Variants in ANO2 observed in about 807,000 individuals in gnomAD.
ANO2 encodes the protein anoctamin 2, also known as anoctamin-2.
In ANO2, 101 loss-of-function variants were observed where a neutral mutation model predicts 124.2. The observed-to-expected ratio is 0.81, with a 90% CI of 0.69 to 0.96. The LOEUF (loss-of-function observed/expected upper bound fraction) is 0.96. Ranked by LOEUF, ANO2 falls within the 40% of genes least tolerant of loss-of-function variation. The probability of loss-of-function intolerance (pLI) is 0.00; values close to 1 mark genes in which losing one functional copy is unlikely to be tolerated. For synonymous variants in ANO2, 486 were observed against 482.5 expected (o/e 1.01, Z -0.09); for missense variants, 1,293 against 1,274.5 (o/e 1.01, Z -0.22).
intron 16 of ANO2, among the ~76,000 whole-genome samples, chr12:5,629,103 T>G (rs1945565198): frequency 6.6e-6 from 1 of 152,166 alleles, no homozygotes; most frequent in African/African-American, 2.4e-5. Context: ...TAATACTCTT[T>G]TTTCAAGCAA....
intron 1 of ANO2, among the ~76,000 whole-genome samples, chr12:5,943,642 G>A (rs544914276): frequency 9.2e-5 from 14 of 152,126 alleles, no homozygotes; most frequent in South Asian, 4.1e-4. Context: ...GCAAAACCCC[G>A]TACCCTAAAA....
chr12:5,921,342 T>G lies in ANO2; in HGVS notation c.232A>C (p.Asn78His). The G allele has an allele frequency of 6.2e-7, 1 of 1,613,860 alleles. No homozygotes were observed. Among genetic ancestry groups the G allele is most frequent in the Non-Finnish European group, 8.5e-7 (1 of 1,179,820 alleles). The change falls in exon 3 of 25, where the codon AAT becomes CAT. Residue 78 changes from asparagine (N) to histidine (H), a missense_variant. Coordinates refer to ENST00000682330, the MANE Select transcript of ANO2 (RefSeq NM_001364791.2). ...SSVINNYLDA[N>H]EPVSLEARLS... Reference sequence around the variant, plus strand: ...CGGGCCTCCAAGGACACAGGCTCATTGGCATCCAGATAGTTGTTGATGACC... The same window carrying G: ...CGGGCCTCCAAGGACACAGGCTCATGGGCATCCAGATAGTTGTTGATGACC...
chr12:5,911,628 C>T (rs990902210), intron 3 of ANO2, among the ~76,000 whole-genome samples: 2 of 152,202 alleles, frequency 1.3e-5, no homozygotes, highest in African/African-American at 4.8e-5. Flanking sequence ...ACACCAAGTA[C>T]AGTCGTACCA....
chr12:5,569,050 G>A (rs1266930751), intron 23 of ANO2, among the ~76,000 whole-genome samples: 1 of 152,246 alleles, frequency 6.6e-6, no homozygotes, highest in Non-Finnish European at 1.5e-5. Flanking sequence ...AGAGCATGTA[G>A]ATCACGGCTT....
intron 14 of ANO2, among the ~76,000 whole-genome samples, chr12:5,678,671 A>G (rs1339802731): frequency 6.6e-6 from 1 of 152,214 alleles, no homozygotes; most frequent in Non-Finnish European, 1.5e-5. Flanking sequence ...AAGAGTATTG[A>G]TTAATGAAAT....
At chr12:5,843,102 G>C (rs1490990506) in intron 4 of ANO2, among the ~76,000 whole-genome samples, 4 of 152,070 alleles carry the variant, frequency 2.6e-5, no homozygotes, top group Non-Finnish European at 5.9e-5. Flanking sequence ...CCCACCTATA[G>C]CCAACCAACC....
chr12:5,659,867 G>A (rs910212766), intron 14 of ANO2, among the ~76,000 whole-genome samples: 17 of 152,140 alleles, frequency 1.1e-4, no homozygotes, highest in Admixed American at 6.5e-5. Flanking sequence ...GCCTGGATTG[G>A]GATTGGAGAC....
At chr12:5,817,802 GA>G (rs1953658352) in intron 7 of ANO2, among the ~76,000 whole-genome samples, 1 of 152,148 alleles carries the variant, frequency 6.6e-6, no homozygotes, top group Non-Finnish European at 1.5e-5. Flanking sequence ...ATTGGTGAGA[GA>G]AACAGGAGCA....
intron 19 of ANO2, among the ~76,000 whole-genome samples, chr12:5,609,723 T>C (rs939986480): frequency 6.6e-6 from 1 of 151,854 alleles, no homozygotes; most frequent in Non-Finnish European, 1.5e-5. Flanking sequence ...TTCTGGGCTT[T>C]TGCCCTTACC....
At position 5,636,275 on chromosome 12, in the gene ANO2, G is replaced by C. The variant is rs10849305; in HGVS notation, c.1621-928C>G. Among the ~76,000 whole-genome samples the C allele has an allele frequency of 0.43, 64,707 of 151,776 alleles. 15,685 individuals carry two copies. The highest frequency in any genetic ancestry group is 0.53 in the Non-Finnish European group (35,831 of 67,942). ...CCCCACGTCCCCTCCTGTCCCCATCGCAACCAAGGAAGGATCATTTCCAGG... is the reference window on the plus strand; with the variant it reads ...CCCCACGTCCCCTCCTGTCCCCATCCCAACCAAGGAAGGATCATTTCCAGG... On this transcript the variant is annotated intron_variant, in intron 15 of 24. Coordinates refer to ENST00000682330, the MANE Select transcript of ANO2 (RefSeq NM_001364791.2). This position sits in a 1 kb window ranked among gnomAD's most constrained non-coding sequence, Gnocchi z 4.6.
chr12:5,595,366 GT>G (rs71445655), intron 20 of ANO2, among the ~76,000 whole-genome samples: 1 of 150,560 alleles, frequency 6.6e-6, no homozygotes, highest in East Asian at 2.0e-4. Context: ...ACACTCTACT[GT>G]TTTTTTTTCT....
chr12:5,728,588 C>T (rs1002525551), intron 14 of ANO2, among the ~76,000 whole-genome samples: 2 of 152,122 alleles, frequency 1.3e-5, no homozygotes, highest in Non-Finnish European at 2.9e-5. Context: ...ATAGATTCAA[C>T]TCAATCCCTA....
At chr12:5,622,580 G>A (rs1346513013) in intron 16 of ANO2, among the ~76,000 whole-genome samples, 1 of 152,172 alleles carries the variant, frequency 6.6e-6, no homozygotes, top group Non-Finnish European at 1.5e-5. Context: ...GGCAAGGAGG[G>A]ATGCCACAGC....
rs1344938891 is a variant in ANO2, at chr12:5,900,767, T to C, written c.534+20273A>G. ...TCCCAACCTCCCCTCTGGTGCTCAG[T>C]CACTTCATCTGCTGAGTATTTAATT... On this transcript the variant is annotated intron_variant, in intron 3 of 24. Coordinates refer to ENST00000682330, the MANE Select transcript of ANO2 (RefSeq NM_001364791.2). This position sits in a 1 kb window ranked among gnomAD's most constrained non-coding sequence, Gnocchi z 4.2. Among the ~76,000 whole-genome samples, 1 of 152,144 alleles carries C rather than the reference T, an allele frequency of 6.6e-6. No individual in the cohort carries two copies. Among genetic ancestry groups the C allele is most frequent in the African/African-American group, 2.4e-5 (1 of 41,434 alleles).
At chr12:5,614,344 G>A (rs1047532598) in intron 17 of ANO2, among the ~76,000 whole-genome samples, 1 of 152,164 alleles carries the variant, frequency 6.6e-6, no homozygotes, top group Non-Finnish European at 1.5e-5. Context: ...TACTCAGGAT[G>A]GGGGCAGGCC....
intron 16 of ANO2, among the ~76,000 whole-genome samples, chr12:5,633,106 C>A (rs1945813295): frequency 6.6e-6 from 1 of 152,198 alleles, no homozygotes; most frequent in African/African-American, 2.4e-5. Flanking sequence ...AATGGCTCAG[C>A]TTGTCTTCCC....
At position 5,900,439 on chromosome 12, in the gene ANO2, T is replaced by TTG. The variant is rs1940109397; in HGVS notation, c.534+20599_534+20600dup. Among the ~76,000 whole-genome samples the TTG allele has an allele frequency of 1.3e-5, 2 of 152,134 alleles. No individual in the cohort carries two copies. The highest frequency in any genetic ancestry group is 2.9e-5 in the Non-Finnish European group (2 of 68,006). On this transcript the variant is annotated intron_variant, in intron 3 of 24. Transcript: ENST00000682330. This position sits in a 1 kb window ranked among gnomAD's most constrained non-coding sequence, Gnocchi z 4.2. ...ACAATTTAAAAATGCATTTGTGAAT[T>TTG]TGAGTATGTTACTGAACTTCCATGG...
Position 5,647,882 on chromosome 12 carries a change from AT to A in ANO2, c.1546-82del. The A allele has an allele frequency of 1.2e-5, 12 of 1,034,264 alleles. No individual in the cohort carries two copies. The South Asian group carries it at 1.6e-4, about 14-fold the overall frequency. 64.1% of individuals were successfully genotyped at this position (1,034,264 alleles called of 1,614,324 possible). A position where few individuals can be genotyped will look rare whatever the true frequency, so the allele number is the denominator to read the frequency against. Reference sequence around the variant, plus strand: ...TTTGCTCTCATTTGCATATATTTGCATGCGATTGATCATTATCACTCTATAT... The same window carrying A: ...TTTGCTCTCATTTGCATATATTTGCAGCGATTGATCATTATCACTCTATAT... On this transcript the variant is annotated intron_variant, in intron 14 of 24. Transcript: ENST00000682330.
intron 11 of ANO2, among the ~76,000 whole-genome samples, chr12:5,749,520 T>C (rs750977304): frequency 5.3e-5 from 8 of 152,244 alleles, no homozygotes; most frequent in Non-Finnish European, 7.3e-5. Flanking sequence ...AGGAGATAAA[T>C]GGAGTCCCTA....
Sources: allele counts gnomAD v4.1 joint callset (sites outside exome capture counted in the v4.1 genomes callset), GRCh38; gene constraint gnomAD v4.1.1; non-coding constraint Gnocchi (gnomAD v3.1); transcripts MANE v1.5; gene names NCBI Gene and HGNC (gene_info 2026-07-23, HGNC 2026-07-21).